TMEM212: variants seen among roughly 807,000 people sequenced by gnomAD.
The protein encoded by TMEM212 is transmembrane protein 212.
In TMEM212, 23 loss-of-function variants were observed where a neutral mutation model predicts 20.5. The ratio of observed to expected loss-of-function variants is 1.12; its 90% CI spans 0.81 to 1.59. TMEM212 has a LOEUF of 1.59. TMEM212 is among the 40% of genes most tolerant of loss of function. The pLI is 0.00. For missense variants in TMEM212, 211 were observed against 215.0 expected, an observed-to-expected ratio of 0.98 and a Z score of 0.12; for synonymous variants, 76 against 81.6, an observed-to-expected ratio of 0.93 and a Z score of 0.37.
intron 1 of TMEM212, among the ~76,000 whole-genome samples, chr3:171,845,952 T>C (rs752899277): frequency 2.6e-5 from 4 of 152,228 alleles, no homozygotes; most frequent in Non-Finnish European, 4.4e-5. Context: ...GTTAATACTA[T>C]GCCTTTCATT....
At chr3:171,848,560 C>CATAGAATAGAATAGGATGGAATAGA (rs1553852833) in intron 1 of TMEM212, among the ~76,000 whole-genome samples, 1 of 44,344 alleles carries the variant, frequency 2.3e-5, no homozygotes, top group African/African-American at 1.1e-4. Context: ...ACAATAAATG[C>CATAGAATAGAATAGGATGGAATAGA]ATAGAATAGA....
intron 2 of TMEM212, among the ~76,000 whole-genome samples, chr3:171,852,751 A>G (rs956327343): frequency 6.6e-6 from 1 of 152,222 alleles, no homozygotes; most frequent in African/African-American, 2.4e-5. Flanking sequence ...TTGCATTTCA[A>G]CTGCATAAAA....
chr3:171,850,994 T>C (rs1724964589), intron 1 of TMEM212, among the ~76,000 whole-genome samples: 2 of 152,208 alleles, frequency 1.3e-5, no homozygotes, highest in African/African-American at 4.8e-5. Context: ...CACACAACCA[T>C]GTGGGTAAAA....
intron 1 of TMEM212, among the ~76,000 whole-genome samples, chr3:171,851,011 AT>A (rs958818876): frequency 4.6e-5 from 7 of 152,134 alleles, no homozygotes; most frequent in East Asian, 1.9e-4. Flanking sequence ...AAAAATGCTG[AT>A]TTTTTTTCCT....
chr3:171,849,264 G>A (rs74670235), intron 1 of TMEM212, among the ~76,000 whole-genome samples: 3,784 of 152,128 alleles, frequency 0.025, 75 homozygotes, highest in Non-Finnish European at 0.041. Flanking sequence ...CTTTATCATC[G>A]ATGTTTCCCC....
intron 1 of TMEM212, among the ~76,000 whole-genome samples, chr3:171,845,140 A>AT (rs1724803303): frequency 6.6e-6 from 1 of 152,168 alleles, no homozygotes; most frequent in Non-Finnish European, 1.5e-5. Context: ...TTTAAGTTCT[A>AT]CTGGAATGCA....
chr3:171,857,884 G>T (rs574822706), intron 4 of TMEM212, among the ~76,000 whole-genome samples, 177 bp from the exon 5 acceptor site: 42 of 151,478 alleles, frequency 2.8e-4, no homozygotes, highest in African/African-American at 4.9e-4. Flanking sequence ...TATCAACCGG[G>T]TAAGAGATAA....
intron 1 of TMEM212, among the ~76,000 whole-genome samples, chr3:171,843,943 C>G (rs1724774064): frequency 6.6e-6 from 1 of 152,150 alleles, no homozygotes; most frequent in Non-Finnish European, 1.5e-5. Context: ...CAAACTAATG[C>G]TTTCATTGCA....
At chr3:171,844,704 T>C (rs1227262149) in intron 1 of TMEM212, among the ~76,000 whole-genome samples, 5 of 152,132 alleles carry the variant, frequency 3.3e-5, no homozygotes, top group African/African-American at 4.8e-5. Flanking sequence ...AGACTCCATC[T>C]CAAAACAAAC....
At position 171,843,425 on chromosome 3, in the gene TMEM212, T is replaced by G; in HGVS notation, c.42T>G (p.Thr14=). The G allele has an allele frequency of 6.5e-7, 1 of 1,536,890 alleles. No homozygotes were observed. Among genetic ancestry groups the G allele is most frequent in the Non-Finnish European group, 8.7e-7 (1 of 1,146,704 alleles). The part of the protein sequence containing the change: ...LYQAAGRILV[T]LGILSVCSGV... ...AGGCTGCTGGCCGGATTCTTGTTAC[T>G]CTGGGGATCCTCAGTGTATGCTCTG... Residue 14 remains threonine (T), a synonymous_variant, in exon 1 of 5, where the codon ACT becomes ACG. Transcript: ENST00000334567.
At chr3:171,853,386 A>G (rs1725033756) in intron 2 of TMEM212, 141 bp from the exon 3 acceptor site, 2 of 704,706 alleles carry the variant, frequency 2.8e-6, no homozygotes, top group South Asian at 4.0e-5. Flanking sequence ...AAATATAAAG[A>G]GAGAGTCGTG....
chr3:171,845,955 C>T (rs957914557), intron 1 of TMEM212, among the ~76,000 whole-genome samples: 3 of 152,116 alleles, frequency 2.0e-5, no homozygotes, highest in African/African-American at 4.8e-5. Context: ...AATACTATGC[C>T]TTTCATTTGT....
At chr3:171,855,101 T>G (rs1725082604) in intron 3 of TMEM212, among the ~76,000 whole-genome samples, 1 of 152,206 alleles carries the variant, frequency 6.6e-6, no homozygotes, top group Admixed American at 6.5e-5. Flanking sequence ...AAGATTTTAT[T>G]ACAAATATTG....
rs1368575856 is a variant in TMEM212, at chr3:171,852,017, C to CAG, written c.200_201dup (p.Trp68SerfsTer15). On this transcript the variant is annotated frameshift_variant, in exon 2 of 5. Coordinates refer to ENST00000334567, the MANE Select transcript of TMEM212 (RefSeq NM_001164436.2). LOFTEE classifies it high-confidence loss of function. ...CTGGTGTGCTTCTACTGTTGGCTTACAGAGAGTGGACCCAGAGGTACCTGG... is the reference window on the plus strand; with the variant it reads ...CTGGTGTGCTTCTACTGTTGGCTTACAGAGAGAGTGGACCCAGAGGTACCTGG... The CAG allele has an allele frequency of 3.9e-6, 6 of 1,536,878 alleles. No individual in the cohort carries two copies. The highest frequency in any genetic ancestry group is 5.2e-6 in the Non-Finnish European group (6 of 1,146,726).
At chr3:171,845,331 T>C (rs1274690638) in intron 1 of TMEM212, among the ~76,000 whole-genome samples, 1 of 152,194 alleles carries the variant, frequency 6.6e-6, no homozygotes, top group East Asian at 1.9e-4. Flanking sequence ...TATATATCTA[T>C]AAAACAAAAG....
intron 1 of TMEM212, among the ~76,000 whole-genome samples, chr3:171,849,527 CAT>C (rs889900496): frequency 2.1e-4 from 32 of 152,294 alleles, no homozygotes; most frequent in African/African-American, 6.7e-4. Context: ...TGAGTTAACA[CAT>C]GTGAAGTGTT....
intron 1 of TMEM212, among the ~76,000 whole-genome samples, chr3:171,844,216 A>G (rs994677806): frequency 6.6e-6 from 1 of 152,102 alleles, no homozygotes; most frequent in African/African-American, 2.4e-5. Flanking sequence ...CTGGTCCCTT[A>G]GCTCTCCAAC....
At chr3:171,855,719 A>G (rs1725099616) in intron 3 of TMEM212, among the ~76,000 whole-genome samples, 1 of 152,206 alleles carries the variant, frequency 6.6e-6, no homozygotes, top group Non-Finnish European at 1.5e-5. Flanking sequence ...ATGTCGTTTA[A>G]TTCCCATAAT....
At chr3:171,845,288 A>G (rs557711437) in intron 1 of TMEM212, among the ~76,000 whole-genome samples, 5 of 152,354 alleles carry the variant, frequency 3.3e-5, no homozygotes, top group Admixed American at 1.3e-4. Context: ...AGATATCTAC[A>G]TCTATTATGT....
Sources: gnomAD v4.1 joint callset for allele counts (sites outside exome capture counted in the v4.1 genomes callset) on GRCh38, gnomAD v4.1.1 for gene constraint, MANE v1.5 for transcripts, NCBI Gene and HGNC (gene_info 2026-07-23, HGNC 2026-07-21) for gene names.